Variants in IQGAP2 observed in about 807,000 individuals in gnomAD.
IQGAP2 encodes ras GTPase-activating-like protein IQGAP2.
IQGAP2 carries 173 observed loss-of-function variants against 201.3 expected under a neutral mutation model. That is an observed-to-expected ratio of 0.86 (90% CI 0.76 to 0.98). The LOEUF (loss-of-function observed/expected upper bound fraction) is 0.98, where lower values mean the gene tolerates loss of function less well. Ranked by LOEUF, IQGAP2 falls within the 50% of genes least tolerant of loss-of-function variation. The probability of loss-of-function intolerance (pLI) is 0.00; values close to 1 mark genes in which losing one functional copy is unlikely to be tolerated. For synonymous variants in IQGAP2, 675 were observed against 673.9 expected (o/e 1.00, Z -0.03); for missense variants, 1,687 against 1,864.8 (o/e 0.90, Z 1.76).
intron 2 of IQGAP2, among the ~76,000 whole-genome samples, chr5:76,495,834 C>A (rs1029039021): frequency 1.3e-5 from 2 of 152,130 alleles, no homozygotes; most frequent in Non-Finnish European, 2.9e-5. Context: ...CACTTATCAC[C>A]AAGGGGATGG....
chr5:76,654,945 T>G lies in IQGAP2; in HGVS notation c.2262T>G (p.Ile754Met), dbSNP rs753391530. 4.3e-6 allele frequency: 7 copies of G among 1,610,702 alleles called. No homozygotes were observed. Among genetic ancestry groups the G allele is most frequent in the Non-Finnish European group, 4.2e-6 (5 of 1,177,172 alleles). The change falls in exon 20 of 36, where the codon ATT (isoleucine) becomes ATG (methionine). Residue 754 changes from isoleucine (I) to methionine (M), a missense_variant. Coordinates refer to ENST00000274364, the MANE Select transcript of IQGAP2 (RefSeq NM_006633.5). ...TTAATCTTTTGCAGAATAATGAAAT[T>G]GTGAAAATACAGTCACTGTTGAGAG... Reference protein sequence around the residue: ...LQYFRDHNNEIVKIQSLLRAN... With the variant: ...LQYFRDHNNEMVKIQSLLRAN...
rs539559869 is a variant in IQGAP2 at position 76,650,105 on chromosome 5, C to T, written c.2095-2645C>T. ...CACAAAACCATTCTGCCCTCCTAGG[C>T]TTCCCAGCCTGTGATGGCAGGGGCT... On this transcript the variant is annotated intron_variant, in intron 17 of 35. Transcript: ENST00000274364. Among the ~76,000 whole-genome samples the T allele has an allele frequency of 2.6e-4, 40 of 152,366 alleles. No homozygotes were observed. The South Asian group carries it at 6.0e-3, about 23-fold the overall frequency.
intron 15 of IQGAP2, among the ~76,000 whole-genome samples, chr5:76,633,752 T>A (rs1668955576): frequency 6.6e-6 from 1 of 152,314 alleles, no homozygotes; most frequent in South Asian, 2.1e-4. Flanking sequence ...CTTTGGCCTA[T>A]TTTGGACATT....
chr5:76,533,100 G>C (rs1021436352), intron 2 of IQGAP2, among the ~76,000 whole-genome samples: 1 of 152,114 alleles, frequency 6.6e-6, no homozygotes, highest in Non-Finnish European at 1.5e-5. Context: ...TCTTGCTCTT[G>C]ACCCTCCCTG....
intron 28 of IQGAP2, among the ~76,000 whole-genome samples, chr5:76,682,005 C>G (rs1025975562): frequency 6.6e-6 from 1 of 152,070 alleles, no homozygotes; most frequent in African/African-American, 2.4e-5. Flanking sequence ...TCTAAGGTAC[C>G]TAGAGTAGTC....
At chr5:76,671,706 A>T in intron 23 of IQGAP2, 53 bp from the exon 24 acceptor site, 1 of 1,325,172 alleles carries the variant, frequency 7.5e-7, no homozygotes, top group Non-Finnish European at 1.1e-6. Flanking sequence ...AAAAAAAAAA[A>T]AAATCTGTAT....
intron 5 of IQGAP2, among the ~76,000 whole-genome samples, chr5:76,577,332 C>A (rs1745537409): frequency 6.6e-6 from 1 of 152,078 alleles, no homozygotes; most frequent in East Asian, 1.9e-4. Flanking sequence ...GCTTGGTAAA[C>A]AAAGAAAAAA....
chr5:76,631,065 TC>T (rs1470589528), intron 14 of IQGAP2, among the ~76,000 whole-genome samples: 1 of 152,218 alleles, frequency 6.6e-6, no homozygotes, highest in Non-Finnish European at 1.5e-5. Context: ...CCTTCTCTTT[TC>T]CTCAAGATGT....
intron 14 of IQGAP2, among the ~76,000 whole-genome samples, chr5:76,631,173 A>G (rs546481566): frequency 6.6e-6 from 1 of 152,242 alleles, no homozygotes; most frequent in South Asian, 2.1e-4. Context: ...CTCTAGTCCT[A>G]TCGATTGGAC....
intron 1 of IQGAP2, among the ~76,000 whole-genome samples, chr5:76,429,954 G>A (rs1752273615): frequency 6.6e-6 from 1 of 151,736 alleles, no homozygotes; most frequent in Non-Finnish European, 1.5e-5. Flanking sequence ...CATCCATCTA[G>A]GTAGAGAGAG....
At chr5:76,678,253 G>A (rs1744999624) in intron 28 of IQGAP2, among the ~76,000 whole-genome samples, 1 of 152,146 alleles carries the variant, frequency 6.6e-6, no homozygotes, top group Non-Finnish European at 1.5e-5. Context: ...CTCGGAAGCA[G>A]GCAGTTTTTC....
chr5:76,659,378 A>G (rs1391823728), intron 21 of IQGAP2, among the ~76,000 whole-genome samples: 1 of 152,226 alleles, frequency 6.6e-6, no homozygotes, highest in Non-Finnish European at 1.5e-5. Flanking sequence ...GACATGATAC[A>G]GTTACCAGAG....
intron 13 of IQGAP2, among the ~76,000 whole-genome samples, chr5:76,626,985 G>A (rs1750302585): frequency 6.6e-6 from 1 of 152,090 alleles, no homozygotes; most frequent in South Asian, 2.1e-4. Flanking sequence ...TGCCGTTGGA[G>A]CCCCGCCATC....
intron 11 of IQGAP2, 113 bp downstream of exon 11, chr5:76,601,085 T>C: frequency 1.0e-6 from 1 of 982,046 alleles, no homozygotes; most frequent in Non-Finnish European, 1.5e-6. Flanking sequence ...CTCATGTTTC[T>C]TGAAAACTAG....
intron 17 of IQGAP2, among the ~76,000 whole-genome samples, chr5:76,650,585 A>G (rs1397954391): frequency 1.3e-5 from 2 of 152,250 alleles, no homozygotes; most frequent in African/African-American, 4.8e-5. Context: ...TCCAAAATAC[A>G]GAGCATTGCC....
intron 1 of IQGAP2, among the ~76,000 whole-genome samples, chr5:76,429,519 C>T (rs1190493190): frequency 1.3e-5 from 2 of 148,970 alleles, no homozygotes; most frequent in Admixed American, 1.3e-4. Flanking sequence ...TTGCAGTGAG[C>T]CAAGATCGCA....
At chr5:76,518,510 C>T (rs1022838185) in intron 2 of IQGAP2, among the ~76,000 whole-genome samples, 1 of 152,080 alleles carries the variant, frequency 6.6e-6, no homozygotes, top group South Asian at 2.1e-4. Flanking sequence ...TCCCACAACA[C>T]GTGGGAATTC....
At chr5:76,570,970 C>G (rs1311666077) in intron 4 of IQGAP2, among the ~76,000 whole-genome samples, 2 of 151,900 alleles carry the variant, frequency 1.3e-5, no homozygotes, top group African/African-American at 4.8e-5. Flanking sequence ...CATAAAGATT[C>G]TAAGTCTCAG....
intron 31 of IQGAP2, among the ~76,000 whole-genome samples, 183 bp from the exon 32 acceptor site, chr5:76,695,271 A>T (rs2150544113): frequency 1.3e-5 from 2 of 152,356 alleles, no homozygotes; most frequent in South Asian, 4.1e-4. Flanking sequence ...TTGCTATCGA[A>T]AAGATGAAGT....
Sources: gnomAD v4.1 joint callset for allele counts (sites outside exome capture counted in the v4.1 genomes callset) on GRCh38, gnomAD v4.1.1 for gene constraint, MANE v1.5 for transcripts, NCBI Gene and HGNC (gene_info 2026-07-23, HGNC 2026-07-21) for gene names.